The following ZBTB17 variants were observed in gnomAD, a reference collection of about 807,000 sequenced individuals.
The protein encoded by ZBTB17 is zinc finger and BTB domain containing 17.
A neutral mutation model predicts 85.1 loss-of-function variants in ZBTB17; 24 were observed. The ratio of observed to expected loss-of-function variants is 0.28; its 90% CI spans 0.20 to 0.40. The LOEUF is 0.40. Among genes scored for constraint, ZBTB17 ranks in the 10% least tolerant of loss-of-function variants. The pLI is 1.00. For synonymous variants in ZBTB17, 464 were observed against 460.2 expected (o/e 1.01, Z -0.11); for missense variants, 743 against 1,105.1 (o/e 0.67, Z 4.65).
intron 2 of ZBTB17, among the ~76,000 whole-genome samples, chr1:15,972,565 G>A (rs1019071813): frequency 2.0e-5 from 3 of 152,138 alleles, no homozygotes; most frequent in Non-Finnish European, 2.9e-5. Flanking sequence ...GTGTGTGCTC[G>A]CTGCTCTGTG....
chr1:15,959,613 AGGAGGGAGG>A (rs1182970245), intron 2 of ZBTB17, among the ~76,000 whole-genome samples: 1 of 139,600 alleles, frequency 7.2e-6, no homozygotes, highest in East Asian at 2.3e-4. Context: ...GACAGAGGGA[AGGAGGGAGG>A]AGAGGGAGGA....
At chr1:15,969,825 C>T (rs1384326526) in intron 2 of ZBTB17, 1 of 550,424 alleles carries the variant, frequency 1.8e-6, no homozygotes, top group African/African-American at 1.9e-5. Flanking sequence ...TGGAGTGGGT[C>T]ACCATGCTGT....
At chr1:15,957,059 A>C (rs1390410334) in intron 2 of ZBTB17, among the ~76,000 whole-genome samples, 1 of 152,040 alleles carries the variant, frequency 6.6e-6, no homozygotes, top group African/African-American at 2.4e-5. Flanking sequence ...GGGTGCCTGT[A>C]ATCCCAGCTA....
rs761296863 is a variant in ZBTB17, at chr1:15,943,401, C to T, written c.1695G>A (p.Lys565=). 12 of 1,595,738 alleles carry T rather than the reference C, an allele frequency of 7.5e-6. No homozygotes were observed. In the Admixed American group the frequency reaches 2.0e-4, roughly 27 times the overall value. Residue 565 remains lysine, a splice_region_variant and synonymous_variant, in exon 12 of 16, where the codon AAG becomes AAA. Coordinates refer to ENST00000375743, the MANE Select transcript of ZBTB17 (RefSeq NM_003443.3). ...GGGTGTGGGGGAGGGGGCAGGACCT[C>T]TTGCCGCAGCGCTCGCAGACGTAGG... ...EKPYVCERCG[K]RFVQSSQLAN... is the part of the protein sequence containing the mutation.
chr1:15,950,410 C>T (rs115554795), intron 2 of ZBTB17, among the ~76,000 whole-genome samples: 121 of 152,356 alleles, frequency 7.9e-4, no homozygotes, highest in African/African-American at 2.7e-3. Flanking sequence ...GCCCAGGCCA[C>T]GGCAACCCTA....
intron 6 of ZBTB17, among the ~76,000 whole-genome samples, 197 bp from the exon 7 acceptor site, chr1:15,945,399 C>A (rs2071556140): frequency 6.6e-6 from 1 of 152,322 alleles, no homozygotes; most frequent in Non-Finnish European, 1.5e-5. Flanking sequence ...TGGGCGCTGT[C>A]GGCCAGCAGG....
intron 12 of ZBTB17, 70 bp from the exon 13 acceptor site, chr1:15,943,264 T>C (rs2071436185): frequency 1.2e-6 from 2 of 1,610,786 alleles, no homozygotes; most frequent in Admixed American, 3.3e-5. Context: ...CCCTCTAGAC[T>C]GAAAAGGACC....
chr1:15,965,802 G>T (rs780309057), intron 2 of ZBTB17, among the ~76,000 whole-genome samples: 2 of 152,244 alleles, frequency 1.3e-5, no homozygotes, highest in African/African-American at 4.8e-5. Flanking sequence ...ATTATATTAA[G>T]TTCAAAAACC....
intron 2 of ZBTB17, among the ~76,000 whole-genome samples, chr1:15,971,072 T>A (rs967839398): frequency 2.6e-5 from 4 of 152,116 alleles, no homozygotes; most frequent in African/African-American, 9.7e-5. Context: ...ACCAGAGGGA[T>A]GCAAGAGAAG....
At chr1:15,971,475 T>G (rs1485167252) in intron 2 of ZBTB17, among the ~76,000 whole-genome samples, 1 of 85,172 alleles carries the variant, frequency 1.2e-5, no homozygotes, top group African/African-American at 4.1e-5. Flanking sequence ...ACACACACAC[T>G]ATATATATAC....
Position 15,943,786 on chromosome 1 carries a change from G to T in ZBTB17, c.1459+22C>A, listed in dbSNP as rs371897452. On this transcript the variant is annotated intron_variant, in intron 10 of 15. Coordinates refer to ENST00000375743, the MANE Select transcript of ZBTB17 (RefSeq NM_003443.3). The stretch of plus-strand genomic sequence containing the variant: ...GCCGAGGAGCAGGGGTGTGAGGGCA[G>T]CCAGGGCAGCCCTGGCCCTACCTGA... The T allele has an allele frequency of 7.9e-5, 128 of 1,612,506 alleles. No homozygotes were observed. In the African/African-American group the frequency reaches 1.5e-3, roughly 19 times the overall value.
chr1:15,959,905 T>C (rs1238114561), intron 2 of ZBTB17, among the ~76,000 whole-genome samples: 1 of 152,164 alleles, frequency 6.6e-6, no homozygotes, highest in African/African-American at 2.4e-5. Flanking sequence ...ACTGAAAACT[T>C]CTCAAAGGAA....
In ZBTB17 at chr1:15,943,854, G is replaced by A. The variant is rs766477698; in HGVS notation, c.1413C>T (p.Asp471=). ...LKAHLKIHIA[D]GPLKCRECGK... The stretch of plus-strand genomic sequence containing the variant: ...CACACTCTCGGCACTTGAGGGGCCC[G>A]TCAGCGATGTGGATCTTCAGGTGGG... Residue 471 remains aspartate, a synonymous_variant, in exon 10 of 16, where the codon GAC becomes GAT. Transcript: ENST00000375743. 99 of 1,610,108 alleles carry A rather than the reference G, an allele frequency of 6.1e-5. No homozygotes were observed. The highest frequency in any genetic ancestry group is 7.8e-5 in the Non-Finnish European group (92 of 1,178,674).
intron 2 of ZBTB17, among the ~76,000 whole-genome samples, chr1:15,958,731 C>T (rs767887953): frequency 7.2e-5 from 11 of 152,100 alleles, no homozygotes; most frequent in Non-Finnish European, 1.2e-4. Flanking sequence ...CAGCCTGGGA[C>T]GACGTGACCA....
intron 1 of ZBTB17, among the ~76,000 whole-genome samples, chr1:15,974,215 C>CA (rs1385974244): frequency 1.4e-5 from 2 of 146,156 alleles, no homozygotes; most frequent in African/African-American, 5.0e-5. Context: ...AAAACAAAAA[C>CA]AAAAAAAACC....
intron 8 of ZBTB17, 46 bp downstream of exon 8, chr1:15,944,651 C>T: frequency 6.2e-7 from 1 of 1,601,838 alleles, no homozygotes; most frequent in Non-Finnish European, 8.5e-7. Context: ...GCGTGAAAGG[C>T]CGGGCCTGGC....
intron 9 of ZBTB17, 186 bp downstream of exon 9, chr1:15,944,114 C>T (rs1396108333): frequency 2.8e-6 from 3 of 1,073,406 alleles, no homozygotes; most frequent in South Asian, 1.3e-5. Flanking sequence ...AGTCGGCCTG[C>T]CCTCCGCAGA....
chr1:15,959,469 T>C (rs912552788), intron 2 of ZBTB17, among the ~76,000 whole-genome samples: 2 of 128,110 alleles, frequency 1.6e-5, no homozygotes, highest in African/African-American at 6.1e-5. Context: ...TAAAGAACAA[T>C]GGAGAGAAAA....
At chr1:15,957,602 T>C (rs1274108821) in intron 2 of ZBTB17, among the ~76,000 whole-genome samples, 2 of 152,102 alleles carry the variant, frequency 1.3e-5, no homozygotes, top group African/African-American at 4.8e-5. Flanking sequence ...GTGAGGTTCC[T>C]AAAAGGCCCC....
Sources: gnomAD v4.1 joint callset for allele counts (sites outside exome capture counted in the v4.1 genomes callset) on GRCh38, gnomAD v4.1.1 for gene constraint, MANE v1.5 for transcripts, NCBI Gene and HGNC (gene_info 2026-07-23, HGNC 2026-07-21) for gene names.